GREB1: variants seen among roughly 807,000 people sequenced by gnomAD.
The protein encoded by GREB1 is growth regulating estrogen receptor binding 1, also known as protein GREB1.
In GREB1, 106 loss-of-function variants were observed where a neutral mutation model predicts 200.7. The observed-to-expected ratio is 0.53, with a 90% CI of 0.45 to 0.62. GREB1 has a LOEUF of 0.62. Ranked by LOEUF, GREB1 falls within the 20% of genes least tolerant of loss-of-function variation. The probability of loss-of-function intolerance (pLI) is 0.00; values close to 1 mark genes in which losing one functional copy is unlikely to be tolerated. For missense variants in GREB1, 2,243 were observed against 2,556.8 expected (o/e 0.88, Z 2.65); for synonymous variants, 1,132 against 1,092.4 (o/e 1.04, Z -0.72).
chr2:11,592,940 C>T lies in GREB1; in HGVS notation c.1510C>T (p.Leu504=), dbSNP rs1434207712. 2 of 1,583,970 alleles carry T rather than the reference C, an allele frequency of 1.3e-6. No homozygotes were observed. Among genetic ancestry groups the T allele is most frequent in the African/African-American group, 2.7e-5 (2 of 74,452 alleles). Residue 504 remains leucine (L), a synonymous_variant, in exon 11 of 33, where the codon CTG becomes TTG. Transcript: ENST00000381486. ...CGTGACCTCCGCGCAGCTGCCCTGGCTGGCCAGCCTGGCCGCCAGCTCCTG... is the reference window on the plus strand; with the variant it reads ...CGTGACCTCCGCGCAGCTGCCCTGGTTGGCCAGCCTGGCCGCCAGCTCCTG... ...APVTSAQLPW[L]ASLAASSCND...
chr2:11,585,963 A>C, intron 9 of GREB1, 58 bp downstream of exon 9: 1 of 1,573,176 alleles, frequency 6.4e-7, no homozygotes, highest in Non-Finnish European at 8.7e-7. Flanking sequence ...AAGGCATGAG[A>C]AACAGGCAAA....
At chr2:11,596,433 A>G (rs1320590591) in intron 13 of GREB1, among the ~76,000 whole-genome samples, 194 bp downstream of exon 13, 9 of 96,590 alleles carry the variant, frequency 9.3e-5, no homozygotes, top group East Asian at 3.8e-4. Context: ...GCAGGGACGC[A>G]GGTGTGCACA....
intron 1 of GREB1, among the ~76,000 whole-genome samples, chr2:11,506,724 T>C (rs1391237051): frequency 1.3e-5 from 2 of 152,134 alleles, no homozygotes; most frequent in Non-Finnish European, 2.9e-5. Flanking sequence ...TGGGGAGGCT[T>C]GGGAACTGGC....
chr2:11,591,339 G>A, intron 10 of GREB1: 2 of 725,364 alleles, frequency 2.8e-6, no homozygotes, highest in South Asian at 2.9e-5. Context: ...GCTGGTGCTG[G>A]GTAGAGCTGG....
At chr2:11,495,020 C>T (rs1008583967) in intron 1 of GREB1, among the ~76,000 whole-genome samples, 5 of 152,178 alleles carry the variant, frequency 3.3e-5, no homozygotes, top group Non-Finnish European at 7.3e-5. Flanking sequence ...TGCTCTGTGT[C>T]ATTCTGTGAC....
chr2:11,585,122 C>T, intron 7 of GREB1, 39 bp from the exon 8 acceptor site: 1 of 1,147,908 alleles, frequency 8.7e-7, no homozygotes. Context: ...GGAGCCCTGT[C>T]CTGGTGATAG....
chr2:11,628,115 ACT>A (rs1304223630), intron 25 of GREB1, among the ~76,000 whole-genome samples: 2 of 151,702 alleles, frequency 1.3e-5, no homozygotes, highest in Non-Finnish European at 2.9e-5. Context: ...AGGAACGAGG[ACT>A]CTCTCAGTGG....
intron 32 of GREB1, among the ~76,000 whole-genome samples, chr2:11,639,878 G>A (rs910554034): frequency 1.6e-4 from 24 of 152,216 alleles, no homozygotes; most frequent in African/African-American, 5.1e-4. Flanking sequence ...CCTGTGGCTG[G>A]CACGTGGGAC....
intron 4 of GREB1, among the ~76,000 whole-genome samples, chr2:11,571,012 G>C (rs1678215917): frequency 6.6e-6 from 1 of 151,960 alleles, no homozygotes; most frequent in African/African-American, 2.4e-5. Context: ...CTGGGGTTTG[G>C]CCAAAATACC....
intron 19 of GREB1, among the ~76,000 whole-genome samples, chr2:11,613,280 T>C (rs1683104908): frequency 6.6e-6 from 1 of 152,156 alleles, no homozygotes; most frequent in Non-Finnish European, 1.5e-5. Flanking sequence ...TTTCTTGGAT[T>C]GGTAGTGACA....
chr2:11,630,652 C>T (rs1049034545), intron 26 of GREB1, among the ~76,000 whole-genome samples: 5 of 152,186 alleles, frequency 3.3e-5, no homozygotes, highest in Non-Finnish European at 7.3e-5. Context: ...GGAAGTAAAT[C>T]CCAGACCTCA....
chr2:11,623,058 C>T (rs1404621279), intron 23 of GREB1, among the ~76,000 whole-genome samples: 2 of 152,212 alleles, frequency 1.3e-5, no homozygotes, highest in Non-Finnish European at 2.9e-5. Context: ...CCTTTGTGCG[C>T]ATTTAAAATT....
intron 21 of GREB1, among the ~76,000 whole-genome samples, chr2:11,617,441 G>T (rs1407474889): frequency 1.3e-5 from 2 of 152,242 alleles, no homozygotes; most frequent in African/African-American, 4.8e-5. Flanking sequence ...TGACCTCAGG[G>T]AACGAACTCA....
intron 22 of GREB1, 89 bp downstream of exon 22, chr2:11,619,008 CCACGTCTTCA>C (rs1683774273): frequency 1.6e-6 from 2 of 1,222,140 alleles, no homozygotes; most frequent in Admixed American, 5.8e-5. Flanking sequence ...GTGACCGCAC[CCACGTCTTCA>C]CTTTTCACCC....
At position 11,512,759 on chromosome 2, in the gene GREB1, T is replaced by C. The variant is rs371835657; in HGVS notation, c.-159+30378T>C. On this transcript the variant is annotated intron_variant, in intron 1 of 2. Transcript: ENST00000628795. Reference sequence around the variant, plus strand: ...CACACGGCTGTTGGAAGGCTCACTGTGCCCAACACATGGCATGTGCTCAGT... The same window carrying C: ...CACACGGCTGTTGGAAGGCTCACTGCGCCCAACACATGGCATGTGCTCAGT... Among the ~76,000 whole-genome samples, 6 of 152,262 alleles carry C rather than the reference T, an allele frequency of 3.9e-5. No homozygotes were observed. The South Asian group carries it at 6.2e-4, about 16-fold the overall frequency.
rs576092575 is a variant in GREB1, at chr2:11,500,376, A to G, written c.-159+17995A>G. Among the ~76,000 whole-genome samples the G allele has an allele frequency of 4.6e-5, 7 of 151,742 alleles. No individual in the cohort carries two copies. In the South Asian group the frequency reaches 1.2e-3, roughly 27 times the overall value. On this transcript the variant is annotated intron_variant, in intron 1 of 2. Coordinates refer to the GREB1 transcript ENST00000628795. ...GGGGTTTCACCATGTTGGCCAGGCT[A>G]TTGAACTCCTGACCTCAGGTGATCT...
chr2:11,496,540 C>T (rs969240857), intron 1 of GREB1, among the ~76,000 whole-genome samples: 2 of 119,330 alleles, frequency 1.7e-5, no homozygotes, highest in African/African-American at 3.1e-5. Context: ...ACATGTCTGA[C>T]GAACAAGGGG....
intron 1 of GREB1, among the ~76,000 whole-genome samples, chr2:11,486,121 A>G (rs1672649352): frequency 6.6e-6 from 1 of 152,144 alleles, no homozygotes; most frequent in African/African-American, 2.4e-5. Context: ...GCAACTAACC[A>G]TTAGGGCTGA....
chr2:11,528,105 T>C (rs1673948881), intron 1 of GREB1, among the ~76,000 whole-genome samples: 1 of 152,196 alleles, frequency 6.6e-6, no homozygotes, highest in Non-Finnish European at 1.5e-5. Context: ...ACACCAGGGA[T>C]TATGTCAGAC....
Sources: allele counts gnomAD v4.1 joint callset (sites outside exome capture counted in the v4.1 genomes callset), GRCh38; gene constraint gnomAD v4.1.1; transcripts MANE v1.5; gene names NCBI Gene and HGNC (gene_info 2026-07-23, HGNC 2026-07-21).